Variants in TG observed in about 807,000 individuals in gnomAD.
TG encodes thyroid hormones.
A neutral mutation model predicts 324.7 loss-of-function variants in TG; 270 were observed. That is an observed-to-expected ratio of 0.83 (90% CI 0.75 to 0.92). The LOEUF (loss-of-function observed/expected upper bound fraction) is 0.92, where lower values mean the gene tolerates loss of function less well. Ranked by LOEUF, TG falls within the 40% of genes least tolerant of loss-of-function variation. TG has a pLI of 0.00. For synonymous variants in TG, 1,401 were observed against 1,327.0 expected, an observed-to-expected ratio of 1.06 and a Z score of -1.21; for missense variants, 3,591 against 3,456.4, an observed-to-expected ratio of 1.04 and a Z score of -0.98.
At chr8:133,003,759 C>T (rs1447628257) in intron 35 of TG, among the ~76,000 whole-genome samples, 3 of 152,168 alleles carry the variant, frequency 2.0e-5, no homozygotes, top group African/African-American at 4.8e-5. Context: ...TGCCTCTTTG[C>T]TGCCCCCATC....
intron 16 of TG, among the ~76,000 whole-genome samples, chr8:132,903,602 A>C (rs1319461727): frequency 3.9e-5 from 6 of 152,226 alleles, no homozygotes; most frequent in Admixed American, 3.9e-4. Context: ...CCATTCATTT[A>C]AACACAGGAG....
rs1232942975 is a variant in TG at position 132,964,556 on chromosome 8, A to G, written c.5548+1482A>G. The G allele has an allele frequency of 4.3e-5, 11 of 254,484 alleles. No individual in the cohort carries two copies. In the South Asian group the frequency reaches 7.6e-4, roughly 18 times the overall value. The allele number at this position is 254,484 out of a possible 1,614,324, so 15.8% of individuals were successfully genotyped here. ...CTTTGTGTATCAGGTTACTCCCATC[A>G]GTCTGAATGTTTGAGACAAACCCAG... On this transcript the variant is annotated intron_variant, in intron 29 of 47. Coordinates refer to ENST00000220616, the MANE Select transcript of TG (RefSeq NM_003235.5).
intron 41 of TG, among the ~76,000 whole-genome samples, chr8:133,064,928 A>G (rs1276011561): frequency 1.3e-5 from 2 of 152,136 alleles, no homozygotes; most frequent in Admixed American, 6.5e-5. Context: ...CAAATTGAGG[A>G]AGTCCAACCA....
intron 16 of TG, among the ~76,000 whole-genome samples, chr8:132,902,634 T>C (rs1396177865): frequency 6.6e-6 from 1 of 152,190 alleles, no homozygotes; most frequent in Admixed American, 6.5e-5. Flanking sequence ...TCCGTGGATA[T>C]GTATGCATGC....
rs1246742264 is a variant in TG, at chr8:133,020,635, CA to C, written c.6876+941del. 1.7e-4 allele frequency among the ~76,000 whole-genome samples: 26 copies of C among 152,286 alleles called. 1 individual carries two copies. The highest frequency in any genetic ancestry group is 6.0e-4 in the African/African-American group (25 of 41,582). ...ACCTCATATTCGAAGAATCCACAGC[CA>C]CCAAGTGGTGGCATCTGAGCTGGAA... On this transcript the variant is annotated intron_variant, in intron 39 of 47. Transcript: ENST00000220616.
chr8:132,919,652 C>A, intron 21 of TG, 127 bp downstream of exon 21: 1 of 1,329,884 alleles, frequency 7.5e-7, no homozygotes, highest in Non-Finnish European at 1.1e-6. Flanking sequence ...TTGGCCTGTG[C>A]TTGGTAGGAT....
At chr8:133,066,961 G>C (rs1440040008) in intron 41 of TG, among the ~76,000 whole-genome samples, 1 of 152,164 alleles carries the variant, frequency 6.6e-6, no homozygotes, top group Non-Finnish European at 1.5e-5. Flanking sequence ...ATGGGGAAAG[G>C]GTTGGGCTGA....
At chr8:133,033,961 G>T (rs1836860619) in intron 41 of TG, among the ~76,000 whole-genome samples, 1 of 152,186 alleles carries the variant, frequency 6.6e-6, no homozygotes, top group Admixed American at 6.5e-5. Context: ...ACAGCGCTTG[G>T]TTCAGAGACA....
chr8:133,031,847 C>G (rs1836669827), intron 41 of TG, among the ~76,000 whole-genome samples: 1 of 152,198 alleles, frequency 6.6e-6, no homozygotes, highest in South Asian at 2.1e-4. Context: ...CCCCATCCCC[C>G]TCTTTGCCTG....
chr8:132,868,425 T>C (rs991132102), intron 2 of TG, among the ~76,000 whole-genome samples: 2 of 151,742 alleles, frequency 1.3e-5, no homozygotes, highest in Non-Finnish European at 3.0e-5. Flanking sequence ...TGTTCAACAC[T>C]GGACAATCTG....
intron 10 of TG, among the ~76,000 whole-genome samples, 145 bp from the exon 11 acceptor site, chr8:132,893,517 AGGGGGTGGTGTGTATGTGTGTGGTGTAG>A (rs1275364580): frequency 1.5e-4 from 6 of 39,968 alleles, no homozygotes; most frequent in South Asian, 9.3e-4. Context: ...AGTGTGTGTG[AGGGGGTGGTGTGTATGTGTGTGGTGTAG>A]GGGGGTGGTG....
At chr8:133,045,232 T>A in intron 41 of TG, 2 of 1,037,776 alleles carry the variant, frequency 1.9e-6, no homozygotes, top group Non-Finnish European at 1.4e-6. Context: ...GATACAACAG[T>A]GATGCTAGGA....
Position 132,871,497 on chromosome 8 carries a change from G to T in TG, c.424G>T (p.Asp142Tyr). 5.0e-6 allele frequency: 8 copies of T among 1,614,182 alleles called. No homozygotes were observed. The highest frequency in any genetic ancestry group is 5.9e-6 in the Non-Finnish European group (7 of 1,180,038). The stretch of plus-strand genomic sequence containing the variant: ...GCAGCAGGTCCAGTGCTGGTGTGTG[G>T]ACGCAGAGGGGATGGAGGTGTATGG... Reference protein sequence around the residue: ...DVQQVQCWCVDAEGMEVYGTR... With the variant: ...DVQQVQCWCVYAEGMEVYGTR... The change falls in exon 4 of 48, where the codon GAC becomes TAC. Residue 142 changes from aspartate to tyrosine, a missense_variant. Asp to Tyr is a radical substitution (Grantham distance 160). Transcript: ENST00000220616.
chr8:133,007,008 T>A (rs1834069468), intron 35 of TG, among the ~76,000 whole-genome samples: 1 of 152,220 alleles, frequency 6.6e-6, no homozygotes, highest in Non-Finnish European at 1.5e-5. Flanking sequence ...AATTTTTTTT[T>A]AGTAAACTCC....
chr8:132,952,236 G>A (rs1288914080), intron 27 of TG, among the ~76,000 whole-genome samples: 2 of 152,226 alleles, frequency 1.3e-5, no homozygotes, highest in Non-Finnish European at 2.9e-5. Flanking sequence ...AATGTGTGTG[G>A]AGCAGCAGAG....
chr8:133,122,482 G>T (rs1851217753), intron 45 of TG, among the ~76,000 whole-genome samples: 1 of 152,166 alleles, frequency 6.6e-6, no homozygotes, highest in Non-Finnish European at 1.5e-5. Context: ...CCTGTTCCCT[G>T]CCCTCTCTCC....
intron 43 of TG, among the ~76,000 whole-genome samples, chr8:133,111,733 A>G (rs1266624092): frequency 6.6e-6 from 1 of 152,262 alleles, no homozygotes; most frequent in Non-Finnish European, 1.5e-5. Context: ...ACTTTCTTAC[A>G]TGATCATGGT....
chr8:133,061,790 T>C (rs934969806), intron 41 of TG, among the ~76,000 whole-genome samples: 5 of 152,164 alleles, frequency 3.3e-5, no homozygotes, highest in Non-Finnish European at 7.4e-5. Flanking sequence ...CCATGCCCTA[T>C]GTGTACAGGT....
chr8:133,104,595 G>A (rs73354678), intron 43 of TG, among the ~76,000 whole-genome samples: 1,838 of 152,244 alleles, frequency 0.012, 39 homozygotes, highest in African/African-American at 0.041. Context: ...AAGAAAATGC[G>A]GTATCACAAT....
Sources: gnomAD v4.1 joint callset for allele counts (sites outside exome capture counted in the v4.1 genomes callset) on GRCh38, gnomAD v4.1.1 for gene constraint, MANE v1.5 for transcripts, NCBI Gene and HGNC (gene_info 2026-07-23, HGNC 2026-07-21) for gene names.